The following SLC4A4 variants were observed in gnomAD, a reference collection of about 807,000 sequenced individuals.
The protein encoded by SLC4A4 is electrogenic sodium bicarbonate cotransporter 1.
In SLC4A4, 27 loss-of-function variants were observed where a neutral mutation model predicts 111.5. The observed-to-expected ratio is 0.24, with a 90% CI of 0.18 to 0.33. The LOEUF is 0.33. SLC4A4 is among the 10% of genes least tolerant of loss of function. The probability of loss-of-function intolerance (pLI) is 1.00; values close to 1 mark genes in which losing one functional copy is unlikely to be tolerated. For synonymous variants in SLC4A4, 443 were observed against 463.4 expected, an observed-to-expected ratio of 0.96 and a Z score of 0.57; for missense variants, 909 against 1,315.5, an observed-to-expected ratio of 0.69 and a Z score of 4.78.
intron 2 of SLC4A4, among the ~76,000 whole-genome samples, chr4:71,173,923 A>G (rs888900093): frequency 6.6e-6 from 1 of 152,210 alleles, no homozygotes; most frequent in African/African-American, 2.4e-5. Context: ...ATTAAGATTA[A>G]ATGAGTTAAT....
chr4:71,280,159 C>G (rs1320062260), intron 3 of SLC4A4, among the ~76,000 whole-genome samples: 1 of 152,164 alleles, frequency 6.6e-6, no homozygotes, highest in Non-Finnish European at 1.5e-5. Flanking sequence ...TTGCATTTCC[C>G]TGATGTTTAG....
At chr4:71,343,139 A>G (rs1729029591) in intron 4 of SLC4A4, among the ~76,000 whole-genome samples, 1 of 152,210 alleles carries the variant, frequency 6.6e-6, no homozygotes, top group Non-Finnish European at 1.5e-5. Context: ...TAGGCTCTTA[A>G]TAAACATTTG....
At chr4:71,230,511 C>G (rs775346201) in intron 1 of SLC4A4, among the ~76,000 whole-genome samples, 7 of 152,156 alleles carry the variant, frequency 4.6e-5, no homozygotes, top group Non-Finnish European at 8.8e-5. Context: ...ATGGGGTTCA[C>G]CGGATGTCAT....
At chr4:71,441,282 A>G (rs1280633994) in intron 8 of SLC4A4, among the ~76,000 whole-genome samples, 1 of 152,168 alleles carries the variant, frequency 6.6e-6, no homozygotes, top group East Asian at 1.9e-4. Flanking sequence ...TTTAAAGTGA[A>G]GTATATTAAT....
intron 22 of SLC4A4, 84 bp downstream of exon 22, chr4:71,557,969 T>C: frequency 8.1e-7 from 1 of 1,241,404 alleles, no homozygotes; most frequent in South Asian, 1.2e-5. Context: ...CACATGTCTT[T>C]TATGTGTTGT....
At chr4:71,282,074 C>G (rs1258587270) in intron 3 of SLC4A4, among the ~76,000 whole-genome samples, 1 of 150,868 alleles carries the variant, frequency 6.6e-6, no homozygotes. Flanking sequence ...TTAGTGAACC[C>G]TGTTAAAAAA....
chr4:71,341,489 G>T (rs1728901741), intron 4 of SLC4A4, among the ~76,000 whole-genome samples: 1 of 152,126 alleles, frequency 6.6e-6, no homozygotes. Context: ...TAGAGCAGAT[G>T]AGCTATAAAG....
At chr4:71,405,125 A>G (rs886082898) in intron 7 of SLC4A4, among the ~76,000 whole-genome samples, 1 of 152,068 alleles carries the variant, frequency 6.6e-6, no homozygotes, top group Admixed American at 6.6e-5. Flanking sequence ...CCATGGAATC[A>G]TTCTTTACTT....
intron 7 of SLC4A4, among the ~76,000 whole-genome samples, chr4:71,431,726 A>G (rs144977105): frequency 0.027 from 4,035 of 152,100 alleles, 93 homozygotes; most frequent in Non-Finnish European, 0.039. Context: ...ATATACTTCT[A>G]ATTTTTTAGT....
At chr4:71,451,027 T>C (rs765491716) in intron 10 of SLC4A4, among the ~76,000 whole-genome samples, 161 bp from the exon 11 acceptor site, 4 of 152,218 alleles carry the variant, frequency 2.6e-5, no homozygotes, top group East Asian at 1.9e-4. Context: ...TGGTTCTAAA[T>C]GTAACACTTA....
intron 2 of SLC4A4, among the ~76,000 whole-genome samples, chr4:71,140,020 A>C (rs1743952950): frequency 6.6e-6 from 1 of 152,176 alleles, no homozygotes; most frequent in Admixed American, 6.5e-5. Flanking sequence ...TGGGATGGTC[A>C]AGGTGCTTAA....
Position 71,472,957 on chromosome 4 carries a change from G to A in SLC4A4, c.1890G>A (p.Val630=). The change falls in exon 14 of 26, where the codon GTG becomes GTA. Residue 630 remains valine, a synonymous_variant. Transcript: ENST00000264485. ...GYNTLFSCTC[V]PPDPANISIS... ...ACACTCTCTTTTCCTGTACCTGTGT[G>A]CCACCTGACCCAGGTGAGGGCATTA... 6.2e-7 allele frequency: 1 copy of A among 1,612,890 alleles called. No homozygotes were observed. The highest frequency in any genetic ancestry group is 8.5e-7 in the Non-Finnish European group (1 of 1,179,346).
chr4:71,453,495 G>C lies in SLC4A4; in HGVS notation c.1323G>C (p.Arg441=). The C allele has an allele frequency of 6.2e-7, 1 of 1,613,692 alleles. No individual in the cohort carries two copies. The highest frequency in any genetic ancestry group is 1.1e-5 in the South Asian group (1 of 91,070). The change falls in exon 12 of 26, where the codon CGG becomes CGC. Residue 441 remains arginine, a splice_region_variant and synonymous_variant. Coordinates refer to ENST00000264485, the MANE Select transcript of SLC4A4 (RefSeq NM_001098484.3). Reference sequence around the variant, plus strand: ...GGATGTTTGCATTCTCTCTGCCCAGGTTCTGTGGTGGACTAATTAAAGACA... The same window carrying C: ...GGATGTTTGCATTCTCTCTGCCCAGCTTCTGTGGTGGACTAATTAAAGACA... The part of the protein sequence containing the change: ...GDCEELQRTG[R]FCGGLIKDIK...
intron 3 of SLC4A4, among the ~76,000 whole-genome samples, chr4:71,332,453 T>TC (rs1728080515): frequency 1.3e-5 from 2 of 150,258 alleles, no homozygotes; most frequent in Non-Finnish European, 3.0e-5. Flanking sequence ...TTCTTTTTTT[T>TC]TTTTTTTTTG....
intron 6 of SLC4A4, among the ~76,000 whole-genome samples, chr4:71,357,551 C>T (rs149809477): frequency 1.0e-3 from 153 of 152,160 alleles, no homozygotes; most frequent in African/African-American, 3.5e-3. Context: ...AGCATGTTTG[C>T]CAGAATTAGG....
intron 2 of SLC4A4, among the ~76,000 whole-genome samples, chr4:71,175,661 A>G (rs1745068912): frequency 6.6e-6 from 1 of 152,240 alleles, no homozygotes; most frequent in Non-Finnish European, 1.5e-5. Context: ...AGGCTTGAGT[A>G]GGTAAACAAA....
rs1732407319 is a variant in SLC4A4, at chr4:71,376,466, G to T, written c.730+19279G>T. On this transcript the variant is annotated intron_variant, in intron 6 of 25. Transcript: ENST00000264485. ...GATCCACCCGCCTCAGCCTCCCATA[G>T]TGCTGGGATTACAGGCATAAGCCAC... 2.0e-5 allele frequency among the ~76,000 whole-genome samples: 3 copies of T among 151,394 alleles called. No homozygotes were observed. The South Asian group carries it at 6.2e-4, about 31-fold the overall frequency.
intron 6 of SLC4A4, among the ~76,000 whole-genome samples, chr4:71,381,103 C>G (rs1298174957): frequency 6.6e-6 from 1 of 152,176 alleles, no homozygotes; most frequent in East Asian, 1.9e-4. Context: ...GTGATGCAAG[C>G]AGTAACCATG....
At chr4:71,268,892 T>G (rs1258296273) in intron 3 of SLC4A4, among the ~76,000 whole-genome samples, 5 of 152,220 alleles carry the variant, frequency 3.3e-5, no homozygotes, top group African/African-American at 1.2e-4. Context: ...ATGTTTTATT[T>G]TTGTGTAGTG....
Sources: allele counts gnomAD v4.1 joint callset (sites outside exome capture counted in the v4.1 genomes callset), GRCh38; gene constraint gnomAD v4.1.1; transcripts MANE v1.5; gene names NCBI Gene and HGNC (gene_info 2026-07-23, HGNC 2026-07-21).